Variants in RAD50 observed in about 807,000 individuals in gnomAD.
RAD50 encodes the protein RAD50 double strand break repair protein.
In RAD50, 132 loss-of-function variants were observed where a neutral mutation model predicts 168.8. The ratio of observed to expected loss-of-function variants is 0.78; its 90% CI spans 0.68 to 0.90. The LOEUF (loss-of-function observed/expected upper bound fraction) is 0.90. Among genes scored for constraint, RAD50 ranks in the 40% least tolerant of loss-of-function variants. RAD50 has a pLI of 0.00. For synonymous variants in RAD50, 525 were observed against 497.4 expected (o/e 1.06, Z -0.74); for missense variants, 1,347 against 1,534.4 (o/e 0.88, Z 2.04).
chr5:132,642,985 C>T lies in RAD50; in HGVS notation c.*621C>T. 1.9e-6 allele frequency: 1 copy of T among 526,416 alleles called. No individual in the cohort carries two copies. The highest frequency in any genetic ancestry group is 3.8e-6 in the Non-Finnish European group (1 of 260,278). The allele number at this position is 526,416 out of a possible 1,614,324, so 32.6% of individuals were successfully genotyped here. ...CTAAGTCAGTACCCACCACCTTCTTCTCCTACATATCCCTTCCAGATGGTC... is the reference window on the plus strand; with the variant it reads ...CTAAGTCAGTACCCACCACCTTCTTTTCCTACATATCCCTTCCAGATGGTC... On this transcript the variant is annotated 3_prime_UTR_variant, in exon 25 of 25. Coordinates refer to ENST00000378823, the MANE Select transcript of RAD50 (RefSeq NM_005732.4).
intron 21 of RAD50, among the ~76,000 whole-genome samples, chr5:132,635,025 T>C (rs1156582561): frequency 1.3e-5 from 2 of 152,332 alleles, no homozygotes; most frequent in Non-Finnish European, 2.9e-5. Context: ...ATACCTTATA[T>C]ACTTGGGAGC....
At chr5:132,563,150 G>C in intron 2 of RAD50, among the ~76,000 whole-genome samples, 1 of 150,778 alleles carries the variant, frequency 6.6e-6, no homozygotes, top group East Asian at 1.9e-4. Context: ...ATAAAGGAAA[G>C]TTTTGTTGTT....
intron 21 of RAD50, among the ~76,000 whole-genome samples, chr5:132,635,306 G>A (rs571238251): frequency 2.0e-4 from 31 of 152,300 alleles, no homozygotes; most frequent in Non-Finnish European, 3.5e-4. Context: ...CTCGCATATG[G>A]TAAATGGTCA....
chr5:132,639,832 C>T (rs1274485017), intron 23 of RAD50, among the ~76,000 whole-genome samples: 2 of 152,136 alleles, frequency 1.3e-5, no homozygotes, highest in Non-Finnish European at 2.9e-5. Flanking sequence ...CTCACAGGGC[C>T]AAGCTGTGGC....
intron 21 of RAD50, among the ~76,000 whole-genome samples, chr5:132,634,371 G>A (rs1418931510): frequency 6.6e-6 from 1 of 150,712 alleles, no homozygotes. Flanking sequence ...TTTCCTATTG[G>A]TGTTTGCCTC....
At chr5:132,563,995 G>A (rs1043567510) in intron 2 of RAD50, among the ~76,000 whole-genome samples, 1 of 152,098 alleles carries the variant, frequency 6.6e-6, no homozygotes, top group Non-Finnish European at 1.5e-5. Context: ...TGAGGCCTCC[G>A]CAGTCATGCT....
At chr5:132,588,110 G>A in intron 7 of RAD50, 21 bp downstream of exon 7, 3 of 1,600,492 alleles carry the variant, frequency 1.9e-6, no homozygotes, top group Non-Finnish European at 2.6e-6. Flanking sequence ...ATGTTTATTT[G>A]GTCGTTTTTC....
chr5:132,571,734 G>A (rs1199584171), intron 2 of RAD50, among the ~76,000 whole-genome samples: 1 of 151,710 alleles, frequency 6.6e-6, no homozygotes, highest in South Asian at 2.1e-4. Context: ...ATAAATAAAG[G>A]GATTGAAGTT....
chr5:132,615,126 C>T (rs1429557871), intron 19 of RAD50, among the ~76,000 whole-genome samples: 1 of 152,188 alleles, frequency 6.6e-6, no homozygotes, highest in Non-Finnish European at 1.5e-5. Context: ...ACCCTTCTTT[C>T]TGCAGGAAAT....
rs750512999 is a variant in RAD50, at chr5:132,595,022, T to C, written c.1947T>C (p.Ile649=). 3 of 1,613,466 alleles carry C rather than the reference T, an allele frequency of 1.9e-6. No individual in the cohort carries two copies. The South Asian group carries it at 3.3e-5, about 18-fold the overall frequency. The change falls in exon 12 of 25, where the codon ATT becomes ATC. Residue 649 remains isoleucine, a synonymous_variant. Coordinates refer to ENST00000378823, the MANE Select transcript of RAD50 (RefSeq NM_005732.4). ...ESDLDRLKEE[I]EKSSKQRAML... ...ATTTAGACAGGCTTAAAGAGGAAAT[T>C]GAAAAATCATCAAAACAGCGAGGTA...
rs369638979 is a variant in RAD50, at chr5:132,609,395, A to T, written c.3035A>T (p.Lys1012Met). Residue 1012 changes from lysine to methionine, a missense_variant and splice_region_variant, in exon 19 of 25, where the codon AAG (lysine) becomes ATG (methionine). Around this residue, in one of 3 missense-constraint regions of RAD50, gnomAD observed 635 missense variants for 739.2 expected, o/e 0.86. Coordinates refer to ENST00000378823, the MANE Select transcript of RAD50 (RefSeq NM_005732.4). ...ATGAGACAAGATATTGATACACAGA[A>T]GGTAGGTCTGTTTTGCTTATGATAT... ...RLMRQDIDTQ[K>M]IQERWLQDNL... The T allele has an allele frequency of 6.2e-7, 1 of 1,613,520 alleles. No individual in the cohort carries two copies. The highest frequency in any genetic ancestry group is 1.7e-5 in the Admixed American group (1 of 59,988).
At position 132,579,329 on chromosome 5, in the gene RAD50, G is replaced by C. The variant is rs2149837691; in HGVS notation, c.378G>C (p.Lys126Asn). The C allele has an allele frequency of 6.2e-7, 1 of 1,613,838 alleles. No homozygotes were observed. Among genetic ancestry groups the C allele is most frequent in the Non-Finnish European group, 8.5e-7 (1 of 1,179,842 alleles). The change falls in exon 4 of 25, where the codon AAG becomes AAC. Residue 126 changes from lysine (K) to asparagine (N), a missense_variant. This residue lies in a region of RAD50 where 703 missense variants were observed against 767.7 expected (regional missense o/e 0.92). Coordinates refer to ENST00000378823, the MANE Select transcript of RAD50 (RefSeq NM_005732.4). ...GVITRTKHGE[K>N]VSLSSKCAEI... Reference sequence around the variant, plus strand: ...TCATTTTCTGTAGGCATGGTGAAAAGGTCAGTCTGAGCTCTAAGTGTGCAG... The same window carrying C: ...TCATTTTCTGTAGGCATGGTGAAAACGTCAGTCTGAGCTCTAAGTGTGCAG...
chr5:132,569,153 A>G (rs1428046780), intron 2 of RAD50, among the ~76,000 whole-genome samples: 1 of 152,220 alleles, frequency 6.6e-6, no homozygotes, highest in Non-Finnish European at 1.5e-5. Flanking sequence ...TAATAGAATT[A>G]GTAGATAAGA....
chr5:132,628,939 A>T (rs965906897), intron 21 of RAD50, among the ~76,000 whole-genome samples: 64 of 152,142 alleles, frequency 4.2e-4, no homozygotes, highest in African/African-American at 1.3e-3. Context: ...AAATGGGGCA[A>T]TGGTTAGAGT....
At chr5:132,599,730 CT>C (rs565367904) in intron 13 of RAD50, among the ~76,000 whole-genome samples, 530 of 144,240 alleles carry the variant, frequency 3.7e-3, no homozygotes, top group Middle Eastern at 6.8e-3. Context: ...ACCAAGAGGA[CT>C]TTTTTTTTTT....
At chr5:132,624,051 C>T (rs932450704) in intron 21 of RAD50, among the ~76,000 whole-genome samples, 1 of 152,128 alleles carries the variant, frequency 6.6e-6, no homozygotes, top group African/African-American at 2.4e-5. Flanking sequence ...ATAAATTATA[C>T]TAAGATTTTT....
At chr5:132,601,374 T>TTG (rs1181042317) in intron 13 of RAD50, among the ~76,000 whole-genome samples, 3 of 152,168 alleles carry the variant, frequency 2.0e-5, no homozygotes, top group Non-Finnish European at 2.9e-5. Context: ...ATGAAAGATT[T>TTG]TGTGTGTGTG....
chr5:132,598,522 G>A, intron 13 of RAD50, among the ~76,000 whole-genome samples: 1 of 152,134 alleles, frequency 6.6e-6, no homozygotes, highest in East Asian at 1.9e-4. Flanking sequence ...ATTTTTCATG[G>A]TTCTGTGGTA....
At chr5:132,591,678 G>A (rs139714015) in intron 10 of RAD50, among the ~76,000 whole-genome samples, 199 bp from the exon 11 acceptor site, 4 of 151,850 alleles carry the variant, frequency 2.6e-5, no homozygotes, top group African/African-American at 7.2e-5. Flanking sequence ...TATATTGTTC[G>A]ACTTGGTACT....
Sources: gnomAD v4.1 joint callset for allele counts (sites outside exome capture counted in the v4.1 genomes callset) on GRCh38, gnomAD v4.1.1 for gene constraint, gnomAD v4.1.1 regional missense constraint, MANE v1.5 for transcripts, NCBI Gene and HGNC (gene_info 2026-07-23, HGNC 2026-07-21) for gene names.